The following BTBD6 variants were observed in gnomAD, a reference collection of about 807,000 sequenced individuals.
BTBD6 encodes BTB/POZ domain-containing protein 6.
Under a neutral mutation model 40.6 loss-of-function variants are expected in BTBD6, and 30 were observed. The ratio of observed to expected loss-of-function variants is 0.74; its 90% CI spans 0.55 to 1.00. The LOEUF (loss-of-function observed/expected upper bound fraction) is 1.00. Ranked by LOEUF, BTBD6 falls within the 50% of genes least tolerant of loss-of-function variation. BTBD6 has a pLI of 0.00. For missense variants in BTBD6, 698 were observed against 694.6 expected (o/e 1.00, Z -0.06); for synonymous variants, 378 against 308.7 (o/e 1.22, Z -2.35).
rs774729758 is a variant in BTBD6, at chr14:105,250,353, C to G, written c.1298C>G (p.Ser433Cys). 11 of 1,613,510 alleles carry G rather than the reference C, an allele frequency of 6.8e-6. No homozygotes were observed. The highest frequency in any genetic ancestry group is 1.1e-5 in the South Asian group (1 of 91,090). The change falls in exon 4 of 4, where the codon TCT becomes TGT. Residue 433 changes from serine to cysteine, a missense_variant. By Grantham distance (112) the Ser-to-Cys change is moderately radical (BLOSUM62 -1). Transcript: ENST00000392554. Reference protein sequence around the residue: ...IAGLGLYGSSSGKAEYSVKIE... With the variant: ...IAGLGLYGSSCGKAEYSVKIE... ...GGGCTGGGCCTGTATGGCTCCAGCT[C>G]TGGGAAGGCTGAGTACAGCGTGAAG...
Position 105,250,787 on chromosome 14 carries a change from G to T in BTBD6, c.*115G>T. On this transcript the variant is annotated 3_prime_UTR_variant, in exon 4 of 4. Coordinates refer to ENST00000392554, the MANE Select transcript of BTBD6 (RefSeq NM_001387567.1). Reference sequence around the variant, plus strand: ...TAACTTTGTCTCTCTTTGACATGTAGTCAGCTGAAGCTTGACTGTGTAGAG... The same window carrying T: ...TAACTTTGTCTCTCTTTGACATGTATTCAGCTGAAGCTTGACTGTGTAGAG... 2 of 1,119,516 alleles carry T rather than the reference G, an allele frequency of 1.8e-6. No individual in the cohort carries two copies. The highest frequency in any genetic ancestry group is 3.2e-5 in the South Asian group (2 of 62,688). The allele number at this position is 1,119,516 out of a possible 1,614,324, so 69.3% of individuals were successfully genotyped here.
At chr14:105,249,318 C>A in intron 2 of BTBD6, 42 bp from the exon 3 acceptor site, 1 of 1,595,230 alleles carries the variant, frequency 6.3e-7, no homozygotes, top group Non-Finnish European at 8.5e-7. Context: ...GACACGCAGC[C>A]TGCGGGAGAG....
chr14:105,249,283 C>T (rs753123398), intron 2 of BTBD6, 36 bp downstream of exon 2: 8 of 1,558,052 alleles, frequency 5.1e-6, no homozygotes, highest in South Asian at 4.6e-5. Flanking sequence ...ACGCGTGCCC[C>T]GTCCGCCCCG....
Position 105,250,115 on chromosome 14 carries a change from G to C in BTBD6, c.1060G>C (p.Asp354His). 1 of 1,613,002 alleles carries C rather than the reference G, an allele frequency of 6.2e-7. No individual in the cohort carries two copies. The highest frequency in any genetic ancestry group is 8.5e-7 in the Non-Finnish European group (1 of 1,180,032). ...GTTTGCCAACGGCGCTGCCCAGTCAGACATCCTGACTCTGGAGGAGACCCA... is the reference window on the plus strand; with the variant it reads ...GTTTGCCAACGGCGCTGCCCAGTCACACATCCTGACTCTGGAGGAGACCCA... ...EEFANGAAQS[D>H]ILTLEETHSI... is the part of the protein sequence containing the mutation. Residue 354 changes from aspartate to histidine, a missense_variant, in exon 4 of 4, where the codon GAC becomes CAC. Coordinates refer to ENST00000392554, the MANE Select transcript of BTBD6 (RefSeq NM_001387567.1).
Position 105,248,801 on chromosome 14 carries a change from G to A in BTBD6, c.90G>A (p.Arg30=), listed in dbSNP as rs892494588. The change falls in exon 1 of 4, where the codon CGG becomes CGA. Residue 30 remains arginine (R), a synonymous_variant. Coordinates refer to ENST00000392554, the MANE Select transcript of BTBD6 (RefSeq NM_001387567.1). ...TTGCAGAGCCGCTCCCGAGGCCCCG[G>A]CGCGGCGCGAGGGCGCGGGGCGCGG... is the stretch of plus-strand genomic sequence containing the variant. ...LLLAEPLPRP[R]RGARARGAAS... 7.1e-6 allele frequency: 7 copies of A among 983,128 alleles called. No homozygotes were observed. The highest frequency in any genetic ancestry group is 7.1e-5 in the African/African-American group (4 of 56,614). 60.9% of individuals were successfully genotyped at this position (983,128 alleles called of 1,614,324 possible).
At position 105,250,015 on chromosome 14, in the gene BTBD6, CA is replaced by C; in HGVS notation, c.961del (p.Thr321ProfsTer21). 1.2e-6 allele frequency: 2 copies of C among 1,612,918 alleles called. No homozygotes were observed. Among genetic ancestry groups the C allele is most frequent in the Non-Finnish European group, 8.5e-7 (1 of 1,180,036 alleles). On this transcript the variant is annotated frameshift_variant, in exon 4 of 4. Transcript: ENST00000392554. LOFTEE classifies it high-confidence loss of function. Reference protein sequence around the residue: ...AECKRQGLPITPRNKRHVLGR... With the variant: ...AECKRQGLPIXPRNKRHVLGR... ...AGTGCAAGAGGCAGGGGCTGCCAAT[CA>C]CCCCACGAAACAAGAGGCATGTTCT... is the stretch of plus-strand genomic sequence containing the variant.
In BTBD6 at chr14:105,249,967, C is replaced by G. The variant is rs923048525; in HGVS notation, c.912C>G (p.Ala304=). 1 of 1,612,274 alleles carries G rather than the reference C, an allele frequency of 6.2e-7. No individual in the cohort carries two copies. The highest frequency in any genetic ancestry group is 8.5e-7 in the Non-Finnish European group (1 of 1,180,030). The change falls in exon 4 of 4, where the codon GCC becomes GCG. Residue 304 remains alanine, a synonymous_variant. Coordinates refer to ENST00000392554, the MANE Select transcript of BTBD6 (RefSeq NM_001387567.1). The part of the protein sequence containing the change: ...LNTKEAVVFE[A]VLNWAEAECK... ...CCAAAGAGGCGGTGGTCTTCGAGGC[C>G]GTCCTGAACTGGGCCGAGGCGGAGT...
At position 105,249,712 on chromosome 14, in the gene BTBD6, C is replaced by T; in HGVS notation, c.657C>T (p.Tyr219=). The T allele has an allele frequency of 6.2e-7, 1 of 1,613,806 alleles. No homozygotes were observed. The highest frequency in any genetic ancestry group is 8.5e-7 in the Non-Finnish European group (1 of 1,180,026). ...CCACTCTGTACGCTGCTAAGAAGTA[C>T]ATCGTCCCAGCATTGGCAAAAGCCT... ...VLATLYAAKK[Y]IVPALAKACV... Residue 219 remains tyrosine, a synonymous_variant, in exon 4 of 4, where the codon TAC becomes TAT. Transcript: ENST00000392554.
In BTBD6 at chr14:105,249,404, C is replaced by T; in HGVS notation, c.510C>T (p.Tyr170=). Residue 170 remains tyrosine (Y), a synonymous_variant, in exon 3 of 4, where the codon TAC becomes TAT. Transcript: ENST00000392554. ...GCTCCGTCTTCTATGCCATGTTCTA[C>T]GGAGACCTGGCGGAAGTCAAATCTG... ...VGSSVFYAMF[Y]GDLAEVKSEI... 2 of 1,612,966 alleles carry T rather than the reference C, an allele frequency of 1.2e-6. No individual in the cohort carries two copies. Among genetic ancestry groups the T allele is most frequent in the South Asian group, 1.1e-5 (1 of 91,006 alleles).
chr14:105,250,373 G>C lies in BTBD6; in HGVS notation c.1318G>C (p.Val440Leu). 1 of 1,613,796 alleles carries C rather than the reference G, an allele frequency of 6.2e-7. No individual in the cohort carries two copies. The highest frequency in any genetic ancestry group is 1.1e-5 in the South Asian group (1 of 91,080). The change falls in exon 4 of 4, where the codon GTG (valine) becomes CTG (leucine). Residue 440 changes from valine to leucine, a missense_variant. Val to Leu is a conservative substitution (Grantham distance 32). Coordinates refer to ENST00000392554, the MANE Select transcript of BTBD6 (RefSeq NM_001387567.1). ...CAGCTCTGGGAAGGCTGAGTACAGC[G>C]TGAAGATTGAGCTCAAGCGGCTCGG... ...GSSSGKAEYS[V>L]KIELKRLGVV...
At chr14:105,249,499 A>C in intron 3 of BTBD6, 21 bp downstream of exon 3, 9 of 926,912 alleles carry the variant, frequency 9.7e-6, no homozygotes, top group Non-Finnish European at 1.5e-5. Context: ...TCTACTGGGG[A>C]GGGACGGGTG....
Position 105,248,861 on chromosome 14 carries a change from G to A in BTBD6, c.150G>A (p.Pro50=). 2.0e-6 allele frequency: 2 copies of A among 989,932 alleles called. No individual in the cohort carries two copies. Among genetic ancestry groups the A allele is most frequent in the Non-Finnish European group, 1.2e-6 (1 of 834,328 alleles). 61.3% of individuals were successfully genotyped at this position (989,932 alleles called of 1,614,324 possible). The change falls in exon 1 of 4, where the codon CCG becomes CCA. Residue 50 remains proline, a synonymous_variant. Coordinates refer to ENST00000392554, the MANE Select transcript of BTBD6 (RefSeq NM_001387567.1). ...STGAEAAPAA[P]PAKMAAELYA... ...GCGCCGAGGCTGCCCCCGCCGCCCC[G>A]CCCGCGAAGATGGCGGCGGAACTCT...
chr14:105,249,283 C>A (rs753123398), intron 2 of BTBD6, 36 bp downstream of exon 2: 2 of 1,558,056 alleles, frequency 1.3e-6, no homozygotes, highest in South Asian at 2.3e-5. Flanking sequence ...ACGCGTGCCC[C>A]GTCCGCCCCG....
Position 105,249,767 on chromosome 14 carries a change from G to C in BTBD6, c.712G>C (p.Ala238Pro), listed in dbSNP as rs767275800. 2.5e-6 allele frequency: 4 copies of C among 1,613,876 alleles called. No individual in the cohort carries two copies. In the South Asian group the frequency reaches 4.4e-5, roughly 18 times the overall value. ...CVNFLETSLE[A>P]KNACVLLSQS... is the part of the protein sequence containing the mutation. ...CAACTTTCTGGAGACAAGTTTGGAA[G>C]CCAAGAACGCCTGCGTCCTGCTGTC... The change falls in exon 4 of 4, where the codon GCC becomes CCC. Residue 238 changes from alanine (A) to proline (P), a missense_variant. Transcript: ENST00000392554.
At position 105,248,985 on chromosome 14, in the gene BTBD6, G is replaced by A. The variant is rs1169386538; in HGVS notation, c.274G>A (p.Ala92Thr). ...GCCGCGCAGCCCGCCCAGCGCCCCC[G>A]CGCCAGCGCCGCCGCCGCCCGCGCC... ...AGPRSPPSAP[A>T]PAPPPPAPAP... Residue 92 changes from alanine (A) to threonine (T), a missense_variant, in exon 1 of 4, where the codon GCG (alanine) becomes ACG (threonine). Physicochemically the swap from Ala to Thr is moderately conservative, Grantham distance 58. Transcript: ENST00000392554. 8 of 986,520 alleles carry A rather than the reference G, an allele frequency of 8.1e-6. No individual in the cohort carries two copies. Among genetic ancestry groups the A allele is most frequent in the Non-Finnish European group, 9.6e-6 (8 of 832,100 alleles). The allele number at this position is 986,520 out of a possible 1,614,324, so 61.1% of individuals were successfully genotyped here. A position where few individuals can be genotyped will look rare whatever the true frequency, so the allele number is the denominator to read the frequency against.
Position 105,248,989 on chromosome 14 carries a change from CAG to C in BTBD6, c.279_280del (p.Pro95AlafsTer84). 1.0e-6 allele frequency: 1 copy of C among 993,016 alleles called. No homozygotes were observed. Among genetic ancestry groups the C allele is most frequent in the Non-Finnish European group, 1.2e-6 (1 of 836,156 alleles). 61.5% of individuals were successfully genotyped at this position (993,016 alleles called of 1,614,324 possible). ...CGCAGCCCGCCCAGCGCCCCCGCGCCAGCGCCGCCGCCGCCCGCGCCCGCGCC... is the reference window on the plus strand; with the variant it reads ...CGCAGCCCGCCCAGCGCCCCCGCGCCCGCCGCCGCCGCCCGCGCCCGCGCC... On this transcript the variant is annotated frameshift_variant, in exon 1 of 4. Coordinates refer to ENST00000392554, the MANE Select transcript of BTBD6 (RefSeq NM_001387567.1). LOFTEE classifies it high-confidence loss of function.
At position 105,249,782 on chromosome 14, in the gene BTBD6, G is replaced by A; in HGVS notation, c.727G>A (p.Val243Ile). Residue 243 changes from valine to isoleucine, a missense_variant, in exon 4 of 4, where the codon GTC (valine) becomes ATC (isoleucine). Transcript: ENST00000392554. ...AAGTTTGGAAGCCAAGAACGCCTGC[G>A]TCCTGCTGTCCCAGAGCCGGCTGTT... ...ETSLEAKNAC[V>I]LLSQSRLFEE... 2 of 1,613,844 alleles carry A rather than the reference G, an allele frequency of 1.2e-6. No individual in the cohort carries two copies. The highest frequency in any genetic ancestry group is 1.1e-5 in the South Asian group (1 of 91,084).
Position 105,250,304 on chromosome 14 carries a change from G to A in BTBD6, c.1249G>A (p.Val417Met). The change falls in exon 4 of 4, where the codon GTG (valine) becomes ATG (methionine). Residue 417 changes from valine to methionine, a missense_variant. Val to Met is a conservative substitution (Grantham distance 21, BLOSUM62 1). Transcript: ENST00000392554. ...GCGCTGCGACAGCATCCAGTTTGCA[G>A]TGGACAGAAGGGTATTTATTGCAGG... ...RGRCDSIQFA[V>M]DRRVFIAGLG... 6.2e-7 allele frequency: 1 copy of A among 1,613,306 alleles called. No individual in the cohort carries two copies.
chr14:105,249,902 C>A lies in BTBD6; in HGVS notation c.847C>A (p.Gln283Lys). ...RSEGFCEIDR[Q>K]TLEIIVTREA... The stretch of plus-strand genomic sequence containing the variant: ...CGAAGGCTTCTGTGAGATAGACCGG[C>A]AGACGCTGGAGATCATTGTCACTCG... Residue 283 changes from glutamine to lysine, a missense_variant, in exon 4 of 4, where the codon CAG becomes AAG. By Grantham distance (53) the Gln-to-Lys change is moderately conservative (BLOSUM62 1). Transcript: ENST00000392554. The A allele has an allele frequency of 6.2e-7, 1 of 1,611,284 alleles. No individual in the cohort carries two copies. The highest frequency in any genetic ancestry group is 1.1e-5 in the South Asian group (1 of 91,080).
Sources: gnomAD v4.1 joint callset for allele counts on GRCh38, gnomAD v4.1.1 for gene constraint, MANE v1.5 for transcripts, NCBI Gene and HGNC (gene_info 2026-07-23, HGNC 2026-07-21) for gene names.